NEMP2: variants seen among roughly 807,000 people sequenced by gnomAD.
NEMP2 encodes nuclear envelope integral membrane protein 2.
A neutral mutation model predicts 54.2 loss-of-function variants in NEMP2; 53 were observed. That is an observed-to-expected ratio of 0.98 (90% CI 0.78 to 1.23). NEMP2 has a LOEUF of 1.23. NEMP2 is among the 50% of genes most tolerant of loss of function. The pLI, the probability that NEMP2 is intolerant of heterozygous loss-of-function variation, is 0.00. For missense variants in NEMP2, 455 were observed against 511.3 expected (o/e 0.89, Z 1.06); for synonymous variants, 197 against 190.3 (o/e 1.04, Z -0.29).
At chr2:190,482,113 A>C in the NEMP2 span, among the ~76,000 whole-genome samples, 28 of 152,216 alleles carry the variant, frequency 1.8e-4, no homozygotes, top group Non-Finnish European at 3.7e-4. Flanking sequence ...GAGGTGTGTC[A>C]CTCCCTTCTC....
chr2:190,636,296 A>G, the NEMP2 span, among the ~76,000 whole-genome samples: 4 of 152,198 alleles, frequency 2.6e-5, no homozygotes, highest in African/African-American at 9.7e-5. Context: ...ATCTGTGCAA[A>G]TTTTGTGTCA....
At chr2:190,482,846 G>A in the NEMP2 span, among the ~76,000 whole-genome samples, 1 of 134,492 alleles carries the variant, frequency 7.4e-6, no homozygotes, top group Admixed American at 7.9e-5. Flanking sequence ...AAAGGGTGGA[G>A]AAGAGTTATT....
chr2:190,502,837 A>C (rs73979259), downstream of NEMP2, among the ~76,000 whole-genome samples: 3,128 of 152,306 alleles, frequency 0.021, 120 homozygotes, highest in African/African-American at 0.07. This position sits in a 1 kb window ranked among gnomAD's most constrained non-coding sequence, Gnocchi z 4.4. Context: ...CTTAACAAAA[A>C]CTGGAGGTGT....
the NEMP2 span, among the ~76,000 whole-genome samples, chr2:190,637,626 AT>A: frequency 1.8e-4 from 27 of 152,266 alleles, no homozygotes; most frequent in African/African-American, 6.3e-4. The surrounding 1 kb of genome is among the most constrained non-coding windows in gnomAD (Gnocchi z 4.5). Context: ...TCCTGAGTCT[AT>A]TAATTTCATC....
At chr2:190,569,073 G>T in the NEMP2 span, among the ~76,000 whole-genome samples, 2 of 152,164 alleles carry the variant, frequency 1.3e-5, no homozygotes, top group Non-Finnish European at 2.9e-5. Context: ...ACTTGAGCAA[G>T]TTTGCTTTTG....
chr2:190,545,369 C>CT, the NEMP2 span, among the ~76,000 whole-genome samples: 77 of 152,122 alleles, frequency 5.1e-4, 1 homozygote, highest in African/African-American at 1.8e-3. Context: ...TTTTTCCCCC[C>CT]ACTGGGGTAA....
chr2:190,540,623 A>T, the NEMP2 span, among the ~76,000 whole-genome samples: 1 of 152,066 alleles, frequency 6.6e-6, no homozygotes, highest in African/African-American at 2.4e-5. Context: ...TGTTGAATTC[A>T]GTTTGATAGT....
the NEMP2 span, among the ~76,000 whole-genome samples, chr2:190,549,259 A>G: frequency 1.3e-5 from 2 of 152,212 alleles, no homozygotes; most frequent in East Asian, 1.9e-4. Context: ...GTGTTCTTTC[A>G]TAAAATGTCT....
rs767116499 is a variant in NEMP2 at position 190,522,692 on chromosome 2, T to C, written c.213+2571A>G. 6.6e-6 allele frequency among the ~76,000 whole-genome samples: 1 copy of C among 152,222 alleles called. No homozygotes were observed. The highest frequency in any genetic ancestry group is 1.5e-5 in the Non-Finnish European group (1 of 68,030). On this transcript the variant is annotated intron_variant, in intron 2 of 8. Coordinates refer to ENST00000409150, the MANE Select transcript of NEMP2 (RefSeq NM_001142645.2). The surrounding 1 kb of genome is among the most constrained non-coding windows in gnomAD (Gnocchi z 5.0). ...CCTTAAGTCTGATAAGAAGCATTTA[T>C]AATCTATTCTCTCTAAAGCCTGCTA...
At chr2:190,601,272 C>A in the NEMP2 span, among the ~76,000 whole-genome samples, 3 of 152,108 alleles carry the variant, frequency 2.0e-5, no homozygotes, top group Non-Finnish European at 4.4e-5. The surrounding 1 kb of genome is among the most constrained non-coding windows in gnomAD (Gnocchi z 5.8). Flanking sequence ...AGAGAAAGGC[C>A]CAGAACGATC....
At chr2:190,569,689 C>T in the NEMP2 span, among the ~76,000 whole-genome samples, 1 of 152,196 alleles carries the variant, frequency 6.6e-6, no homozygotes, top group Non-Finnish European at 1.5e-5. Context: ...GCTTCCATGA[C>T]ATCTTGGATA....
chr2:190,464,038 A>C, the NEMP2 span: 4 of 321,872 alleles, frequency 1.2e-5, no homozygotes. Flanking sequence ...GAAATTGCCC[A>C]AGTGGTCTGT....
Position 190,510,435 on chromosome 2 carries a change from C to G in NEMP2, c.1056G>C (p.Glu352Asp). 1 of 1,551,762 alleles carries G rather than the reference C, an allele frequency of 6.4e-7. No individual in the cohort carries two copies. The highest frequency in any genetic ancestry group is 1.4e-5 in the African/African-American group (1 of 73,168). The change falls in exon 8 of 9, where the codon GAG (glutamate) becomes GAC (aspartate). Residue 352 changes from glutamate to aspartate, a missense_variant. This residue lies in a region of NEMP2 where 294 missense variants were observed against 333.6 expected (regional missense o/e 0.88). Transcript: ENST00000409150. The surrounding 1 kb of genome is among the most constrained non-coding windows in gnomAD (Gnocchi z 5.7). Reference protein sequence around the residue: ...QADAETNSALEELRRACRKPD... With the variant: ...QADAETNSALDELRRACRKPD... Reference sequence around the variant, plus strand: ...GTTTTCGGCAGGCCCGGCGTAGCTCCTCCAGAGCACTGTTCGTTTCAGCAT... The same window carrying G: ...GTTTTCGGCAGGCCCGGCGTAGCTCGTCCAGAGCACTGTTCGTTTCAGCAT...
At chr2:190,478,434 CAGT>C in the NEMP2 span, among the ~76,000 whole-genome samples, 1 of 152,188 alleles carries the variant, frequency 6.6e-6, no homozygotes, top group Non-Finnish European at 1.5e-5. Flanking sequence ...CCATGGAAAA[CAGT>C]AGATTATTCA....
rs548081510 is a variant in NEMP2 at position 190,506,393 on chromosome 2, A to G, written c.*2796T>C. ...TGTACATCTCTCACTCTGGGAAACA[A>G]TCACACATAGCATAATGTAAGAGAG... is the stretch of plus-strand genomic sequence containing the variant. On this transcript the variant is annotated 3_prime_UTR_variant, in exon 9 of 9. Transcript: ENST00000409150. The surrounding 1 kb of genome is among the most constrained non-coding windows in gnomAD (Gnocchi z 6.3). The G allele has an allele frequency of 3.9e-5, 6 of 152,362 alleles. No homozygotes were observed. The East Asian group carries it at 5.8e-4, about 15-fold the overall frequency. The allele number at this position is 152,362 out of a possible 1,614,324, so 9.4% of individuals were successfully genotyped here. A position where few individuals can be genotyped will look rare whatever the true frequency, so the allele number is the denominator to read the frequency against.
rs897693499 is a variant in NEMP2, at chr2:190,506,114, G to T, written c.*3075C>A. On this transcript the variant is annotated 3_prime_UTR_variant, in exon 9 of 9. Coordinates refer to ENST00000409150, the MANE Select transcript of NEMP2 (RefSeq NM_001142645.2). The surrounding 1 kb of genome is among the most constrained non-coding windows in gnomAD (Gnocchi z 6.3). ...GAATCACTACCTGTACCAACTATATGAATTGACTAACAAGAGACAGGTCTT... is the reference window on the plus strand; with the variant it reads ...GAATCACTACCTGTACCAACTATATTAATTGACTAACAAGAGACAGGTCTT... 1.8e-4 allele frequency: 27 copies of T among 152,180 alleles called. No homozygotes were observed. Among genetic ancestry groups the T allele is most frequent in the African/African-American group, 5.8e-4 (24 of 41,432 alleles). 9.4% of individuals were successfully genotyped at this position (152,180 alleles called of 1,614,324 possible).
chr2:190,468,604 C>T, the NEMP2 span, among the ~76,000 whole-genome samples: 3 of 148,764 alleles, frequency 2.0e-5, no homozygotes, highest in South Asian at 6.4e-4. Context: ...AGGTGTGTGC[C>T]ACCAAGCCTG....
chr2:190,478,771 ACT>A, the NEMP2 span, among the ~76,000 whole-genome samples: 6 of 151,910 alleles, frequency 3.9e-5, no homozygotes, highest in East Asian at 1.9e-4. Context: ...GGGCATCTTG[ACT>A]CTGAAAAATC....
rs1417438881 is a variant in NEMP2, at chr2:190,529,023, T to C, written c.98-3645A>G. On this transcript the variant is annotated intron_variant, in intron 1 of 8. Coordinates refer to ENST00000409150, the MANE Select transcript of NEMP2 (RefSeq NM_001142645.2). This position sits in a 1 kb window ranked among gnomAD's most constrained non-coding sequence, Gnocchi z 4.7. ...CATGTTTTCCCCTACAACACACTTT[T>C]CAATTAGCAAATAGATCTTTTTAAA... Among the ~76,000 whole-genome samples the C allele has an allele frequency of 6.6e-6, 1 of 152,114 alleles. No homozygotes were observed. The highest frequency in any genetic ancestry group is 1.5e-5 in the Non-Finnish European group (1 of 68,018).
Sources: gnomAD v4.1 joint callset for allele counts (sites outside exome capture counted in the v4.1 genomes callset) on GRCh38, gnomAD v4.1.1 for gene constraint, gnomAD v4.1.1 regional missense constraint, Gnocchi (gnomAD v3.1) non-coding constraint, MANE v1.5 for transcripts, NCBI Gene and HGNC (gene_info 2026-07-23, HGNC 2026-07-21) for gene names.